Variants in RARS2 observed in about 807,000 individuals in gnomAD.
RARS2 encodes the protein probable arginine--tRNA ligase, mitochondrial.
RARS2 carries 67 observed loss-of-function variants against 88.5 expected under a neutral mutation model. The observed-to-expected ratio is 0.76, with a 90% CI of 0.62 to 0.93. RARS2 has a LOEUF of 0.93. Among genes scored for constraint, RARS2 ranks in the 40% least tolerant of loss-of-function variants. RARS2 has a pLI of 0.00. For synonymous variants in RARS2, 239 were observed against 230.3 expected (o/e 1.04, Z -0.34); for missense variants, 664 against 684.2 (o/e 0.97, Z 0.33).
intron 8 of RARS2, among the ~76,000 whole-genome samples, chr6:87,540,287 A>G (rs1780501815): frequency 6.6e-6 from 1 of 151,242 alleles, no homozygotes; most frequent in Non-Finnish European, 1.5e-5. Context: ...GTCTCTACTA[A>G]AAAATACAAA....
In RARS2 at chr6:87,557,147, C is replaced by T. The variant is rs1189458897; in HGVS notation, c.298-1642G>A. 2.6e-5 allele frequency among the ~76,000 whole-genome samples: 4 copies of T among 152,072 alleles called. No homozygotes were observed. The East Asian group carries it at 7.7e-4, about 29-fold the overall frequency. ...CCTACAGTACCCGTTGTCTTTAAGC[C>T]TCATAATCTTAAAGATGGGCAACAT... On this transcript the variant is annotated intron_variant, in intron 4 of 19. Coordinates refer to ENST00000369536, the MANE Select transcript of RARS2 (RefSeq NM_020320.5).
At chr6:87,589,253 G>A (rs1776203710) in intron 1 of RARS2, among the ~76,000 whole-genome samples, 1 of 152,216 alleles carries the variant, frequency 6.6e-6, no homozygotes, top group African/African-American at 2.4e-5. Context: ...GCTCAGGCCT[G>A]TAATCCCGGC....
chr6:87,541,184 T>C (rs1252701147), intron 8 of RARS2, among the ~76,000 whole-genome samples: 1 of 152,202 alleles, frequency 6.6e-6, no homozygotes, highest in Non-Finnish European at 1.5e-5. Flanking sequence ...TGCAACATTT[T>C]CTTTCTTTCT....
rs1011500266 is a variant in RARS2, at chr6:87,576,422, G to A, written c.37-6832C>T. On this transcript the variant is annotated intron_variant, in intron 1 of 19. Transcript: ENST00000369536. The stretch of plus-strand genomic sequence containing the variant: ...CTCCCGAGTAGCTGGGACTACAGGC[G>A]CCCGCTACCACGCCCGGCTAATTTT... Among the ~76,000 whole-genome samples the A allele has an allele frequency of 1.2e-4, 13 of 110,284 alleles. 3 individuals carry two copies. Among genetic ancestry groups the A allele is most frequent in the African/African-American group, 4.5e-4 (13 of 29,178 alleles). The allele number at this position is 110,284 out of a possible 152,430, so 72.4% of individuals were successfully genotyped here.
At chr6:87,524,761 C>T in intron 10 of RARS2, 109 bp from the exon 11 acceptor site, 1 of 782,800 alleles carries the variant, frequency 1.3e-6, no homozygotes, top group Non-Finnish European at 2.2e-6. Context: ...ACCCACGTTG[C>T]AATGAGCAGT....
At chr6:87,535,890 G>A (rs548438362) in intron 8 of RARS2, among the ~76,000 whole-genome samples, 12 of 151,612 alleles carry the variant, frequency 7.9e-5, no homozygotes, top group African/African-American at 2.9e-4. Flanking sequence ...TTGCCACGTT[G>A]CTGAGGCTGG....
In RARS2 at chr6:87,555,497, T is replaced by C; in HGVS notation, c.306A>G (p.Leu102=). ...TTGAGCCATCTTCAATTACTTGTTG[T>C]AGCACTGTCTGAAAATTAAAGGACT... The part of the protein sequence containing the change: ...INRELLTKTV[L]QQVIEDGSKY... Residue 102 remains leucine, a synonymous_variant, in exon 5 of 20, where the codon CTA becomes CTG. Transcript: ENST00000369536. 1.2e-6 allele frequency: 2 copies of C among 1,611,080 alleles called. No individual in the cohort carries two copies. The highest frequency in any genetic ancestry group is 2.2e-5 in the East Asian group (1 of 44,828).
intron 1 of RARS2, among the ~76,000 whole-genome samples, chr6:87,582,818 C>T (rs181755891): frequency 6.6e-6 from 1 of 152,304 alleles, no homozygotes; most frequent in East Asian, 1.9e-4. Flanking sequence ...ATAAACTCAT[C>T]AGCAGAGTCA....
At position 87,560,239 on chromosome 6, in the gene RARS2, A is replaced by ACTTTTT. The variant is rs553079488; in HGVS notation, c.297+2457_297+2462dup. On this transcript the variant is annotated intron_variant, in intron 4 of 19. Transcript: ENST00000369536. ...ACGGTTTAAGAGATTTTTAAATTTA[A>ACTTTTT]CTTTTTCTTTTACTTTTGGTTAAAC... 2.6e-4 allele frequency among the ~76,000 whole-genome samples: 39 copies of ACTTTTT among 152,362 alleles called. No individual in the cohort carries two copies. The South Asian group carries it at 7.9e-3, about 31-fold the overall frequency.
Position 87,514,251 on chromosome 6 carries a change from C to T in RARS2, c.*162G>A, listed in dbSNP as rs571821240. ...GCTTGAACCTGGGAGGTGGAGGTTGCAGTGAGCCAACATCACACCATTGCA... is the reference window on the plus strand; with the variant it reads ...GCTTGAACCTGGGAGGTGGAGGTTGTAGTGAGCCAACATCACACCATTGCA... On this transcript the variant is annotated 3_prime_UTR_variant, in exon 20 of 20. Coordinates refer to ENST00000369536, the MANE Select transcript of RARS2 (RefSeq NM_020320.5). The T allele has an allele frequency of 2.9e-4, 138 of 477,086 alleles. No individual in the cohort carries two copies. Among genetic ancestry groups the T allele is most frequent in the African/African-American group, 2.8e-3 (135 of 48,996 alleles). 29.6% of individuals were successfully genotyped at this position (477,086 alleles called of 1,614,324 possible).
intron 1 of RARS2, among the ~76,000 whole-genome samples, chr6:87,579,451 A>G (rs1490793377): frequency 6.6e-6 from 1 of 152,120 alleles, no homozygotes; most frequent in Non-Finnish European, 1.5e-5. Flanking sequence ...GATAATTTTT[A>G]TAACTTCTAG....
chr6:87,530,812 C>T lies in RARS2; in HGVS notation c.743G>A (p.Ser248Asn). The T allele has an allele frequency of 6.2e-7, 1 of 1,614,184 alleles. No homozygotes were observed. Among genetic ancestry groups the T allele is most frequent in the South Asian group, 1.1e-5 (1 of 91,086 alleles). ...LSLWQKFRDL[S>N]IEEYIRVYKR... is the part of the protein sequence containing the mutation. ...GTAAACCCGAATGTACTCTTCAATG[C>T]TCAAGTCCCGAAATTTTTGCCACAG... Residue 248 changes from serine (S) to asparagine (N), a missense_variant, in exon 9 of 20, where the codon AGC becomes AAC. Physicochemically the swap from Ser to Asn is conservative, Grantham distance 46 (BLOSUM62 1). Transcript: ENST00000369536.
At chr6:87,518,032 T>G (rs1258693931) in intron 17 of RARS2, 137 bp downstream of exon 17, 1 of 1,537,788 alleles carries the variant, frequency 6.5e-7, no homozygotes, top group East Asian at 2.3e-5. Flanking sequence ...AAATAATCAC[T>G]TTTTAAGGCA....
Position 87,520,243 on chromosome 6 carries a change from T to G in RARS2, c.1049A>C (p.Gln350Pro), listed in dbSNP as rs1773396697. ...DTMIYVTDKG[Q>P]KKHFQQVFQM... The stretch of plus-strand genomic sequence containing the variant: ...GAATACTTGCTGAAAATGCTTTTTT[T>G]GTCCTTTATCTGTCTTGGGAAGAAA... The change falls in exon 13 of 20, where the codon CAA becomes CCA. Residue 350 changes from glutamine to proline, a missense_variant. By Grantham distance (76) the Gln-to-Pro change is moderately conservative (BLOSUM62 -1). Coordinates refer to ENST00000369536, the MANE Select transcript of RARS2 (RefSeq NM_020320.5). The G allele has an allele frequency of 1.2e-6, 2 of 1,610,530 alleles. No homozygotes were observed. The highest frequency in any genetic ancestry group is 1.7e-6 in the Non-Finnish European group (2 of 1,177,094).
At chr6:87,582,159 C>T (rs1213804661) in intron 1 of RARS2, among the ~76,000 whole-genome samples, 1 of 152,208 alleles carries the variant, frequency 6.6e-6, no homozygotes, top group Non-Finnish European at 1.5e-5. Flanking sequence ...ATTTCTGGTA[C>T]TAGATCTTTG....
At chr6:87,515,539 G>T (rs1771355105) in intron 18 of RARS2, among the ~76,000 whole-genome samples, 1 of 151,496 alleles carries the variant, frequency 6.6e-6, no homozygotes, top group African/African-American at 2.4e-5. Context: ...AAAAGATTAT[G>T]ATTTCAATGT....
At chr6:87,531,746 A>G (rs1414294659) in intron 8 of RARS2, among the ~76,000 whole-genome samples, 1 of 152,164 alleles carries the variant, frequency 6.6e-6, no homozygotes, top group Non-Finnish European at 1.5e-5. Context: ...TTCCCAATGT[A>G]GTTTCAATCA....
chr6:87,529,961 G>A (rs1776938888), intron 9 of RARS2, among the ~76,000 whole-genome samples: 1 of 151,572 alleles, frequency 6.6e-6, no homozygotes, highest in South Asian at 2.1e-4. Flanking sequence ...TACCAGTCAA[G>A]TCCTCACAAT....
chr6:87,579,752 G>C (rs1423617738), intron 1 of RARS2, among the ~76,000 whole-genome samples: 2 of 104,426 alleles, frequency 1.9e-5, no homozygotes, highest in Non-Finnish European at 3.5e-5. Flanking sequence ...TTTTGAGACA[G>C]AGTCTCGCTC....
Sources: gnomAD v4.1 joint callset for allele counts (sites outside exome capture counted in the v4.1 genomes callset) on GRCh38, gnomAD v4.1.1 for gene constraint, MANE v1.5 for transcripts, NCBI Gene and HGNC (gene_info 2026-07-23, HGNC 2026-07-21) for gene names.